Variants in TTC28 observed in about 807,000 individuals in gnomAD.
TTC28 encodes tetratricopeptide repeat domain 28, also known as tetratricopeptide repeat protein 28.
TTC28 carries 61 observed loss-of-function variants against 198.0 expected under a neutral mutation model. That is an observed-to-expected ratio of 0.31 (90% confidence interval 0.25 to 0.38). The LOEUF (loss-of-function observed/expected upper bound fraction) is 0.38. Ranked by LOEUF, TTC28 falls within the 10% of genes least tolerant of loss-of-function variation. The probability of loss-of-function intolerance (pLI) is 1.00; values close to 1 mark genes in which losing one functional copy is unlikely to be tolerated. For synonymous variants in TTC28, 1,171 were observed against 1,297.8 expected, an observed-to-expected ratio of 0.90 and a Z score of 2.10; for missense variants, 2,678 against 3,164.0, an observed-to-expected ratio of 0.85 and a Z score of 3.69.
chr22:28,107,124 C>A lies in TTC28; in HGVS notation c.2721G>T (p.Ala907=), dbSNP rs368294452. The part of the protein sequence containing the change: ...IKYYEQYLSV[A]QSLNRMQDQA... ...GGTCTTGCATGCGATTCAGACTCTG[C>A]GCGACAGATAAATATTGTTCATAGT... is the stretch of plus-strand genomic sequence containing the variant. The change falls in exon 7 of 23, where the codon GCG becomes GCT. Residue 907 remains alanine (A), a synonymous_variant. Coordinates refer to ENST00000397906, the MANE Select transcript of TTC28 (RefSeq NM_001145418.2). 1.9e-6 allele frequency: 3 copies of A among 1,551,558 alleles called. No individual in the cohort carries two copies. The highest frequency in any genetic ancestry group is 2.0e-5 in the Admixed American group (1 of 50,980).
At chr22:28,546,469 T>C (rs112235772) in intron 2 of TTC28, among the ~76,000 whole-genome samples, 5 of 152,106 alleles carry the variant, frequency 3.3e-5, no homozygotes, top group African/African-American at 1.2e-4. Context: ...CAAACAAAAT[T>C]GAAGACTGTC....
At chr22:28,333,844 T>G (rs147725332) in intron 2 of TTC28, among the ~76,000 whole-genome samples, 19 of 152,144 alleles carry the variant, frequency 1.2e-4, no homozygotes, top group African/African-American at 4.6e-4. Context: ...TCACTGTATT[T>G]TCTTTATTTT....
intron 2 of TTC28, among the ~76,000 whole-genome samples, chr22:28,606,557 G>A (rs1361980241): frequency 6.6e-6 from 1 of 152,096 alleles, no homozygotes; most frequent in African/African-American, 2.4e-5. Flanking sequence ...CTGGAATGGG[G>A]AATGGGGTGA....
intron 2 of TTC28, among the ~76,000 whole-genome samples, chr22:28,417,906 A>C (rs938012723): frequency 6.6e-6 from 1 of 152,224 alleles, no homozygotes; most frequent in Non-Finnish European, 1.5e-5. Context: ...CTTGCTCTGA[A>C]CAGTACACTA....
intron 5 of TTC28, among the ~76,000 whole-genome samples, chr22:28,280,083 T>C (rs1031670032): frequency 6.6e-6 from 1 of 152,184 alleles, no homozygotes; most frequent in Non-Finnish European, 1.5e-5. Flanking sequence ...ACACATGTTT[T>C]CAATTCTCTG....
chr22:28,527,687 G>A (rs1183189109), intron 2 of TTC28, among the ~76,000 whole-genome samples: 1 of 152,044 alleles, frequency 6.6e-6, no homozygotes, highest in Non-Finnish European at 1.5e-5. Flanking sequence ...CCAGGCTGGA[G>A]TGCAGTGGCA....
intron 2 of TTC28, among the ~76,000 whole-genome samples, chr22:28,309,847 C>T (rs1569252281): frequency 6.6e-6 from 1 of 152,024 alleles, no homozygotes; most frequent in Non-Finnish European, 1.5e-5. Flanking sequence ...AACACCTATA[C>T]CCTAAGTACA....
chr22:28,492,026 C>T (rs546703557), intron 2 of TTC28, among the ~76,000 whole-genome samples: 56 of 151,716 alleles, frequency 3.7e-4, no homozygotes, highest in South Asian at 1.7e-3. Flanking sequence ...AAACAAACAC[C>T]GCATGTTTTC....
intron 2 of TTC28, among the ~76,000 whole-genome samples, chr22:28,537,817 C>T (rs2049328972): frequency 6.6e-6 from 1 of 152,066 alleles, no homozygotes; most frequent in South Asian, 2.1e-4. Context: ...TAGGGTAGTT[C>T]TCTATAAATA....
At chr22:28,243,011 C>T (rs972429369) in intron 5 of TTC28, among the ~76,000 whole-genome samples, 1 of 146,976 alleles carries the variant, frequency 6.8e-6, no homozygotes, top group African/African-American at 2.5e-5. Context: ...CTGACAGAGT[C>T]ATTTTAATCT....
At chr22:28,366,382 TCTTA>T (rs1236400732) in intron 2 of TTC28, among the ~76,000 whole-genome samples, 1 of 152,178 alleles carries the variant, frequency 6.6e-6, no homozygotes, top group Non-Finnish European at 1.5e-5. Flanking sequence ...TTAACATTTT[TCTTA>T]CTTAGTGAGT....
At chr22:28,127,021 A>G (rs1942932731) in intron 6 of TTC28, among the ~76,000 whole-genome samples, 1 of 152,148 alleles carries the variant, frequency 6.6e-6, no homozygotes. Context: ...CCACTGTGCT[A>G]GGCTCCAAAT....
chr22:28,184,557 T>A (rs1924012071), intron 5 of TTC28, among the ~76,000 whole-genome samples: 1 of 152,084 alleles, frequency 6.6e-6, no homozygotes, highest in Admixed American at 6.5e-5. Flanking sequence ...ATTAAGATCC[T>A]AAGTTACATT....
intron 2 of TTC28, among the ~76,000 whole-genome samples, chr22:28,506,798 C>T (rs2048619776): frequency 6.6e-6 from 1 of 152,202 alleles, no homozygotes; most frequent in Non-Finnish European, 1.5e-5. Context: ...GGAGCAGACC[C>T]CCAGCAAACT....
At chr22:28,315,777 G>A (rs760513292) in intron 2 of TTC28, among the ~76,000 whole-genome samples, 3 of 151,848 alleles carry the variant, frequency 2.0e-5, no homozygotes, top group Admixed American at 6.6e-5. Flanking sequence ...TTACAGTCTC[G>A]TCAATGCACC....
intron 2 of TTC28, among the ~76,000 whole-genome samples, chr22:28,472,190 C>T (rs764167191): frequency 1.1e-4 from 17 of 152,248 alleles, no homozygotes; most frequent in African/African-American, 1.9e-4. Flanking sequence ...CTATCTATCA[C>T]GTTTCAATTC....
chr22:28,338,953 A>T (rs1427561366), intron 2 of TTC28, among the ~76,000 whole-genome samples: 1 of 152,034 alleles, frequency 6.6e-6, no homozygotes, highest in East Asian at 1.9e-4. Context: ...AGGCGCTCTG[A>T]TTTTTAGAGT....
At chr22:28,018,271 G>GTT (rs1555903309) in intron 13 of TTC28, among the ~76,000 whole-genome samples, 1 of 138,016 alleles carries the variant, frequency 7.2e-6, no homozygotes, top group African/African-American at 2.7e-5. Flanking sequence ...GTGTGTGTGT[G>GTT]TGTGTGTATG....
At position 28,105,484 on chromosome 22, in the gene TTC28, C is replaced by T. The variant is rs941257618; in HGVS notation, c.3102G>A (p.Thr1034=). 9.0e-6 allele frequency: 14 copies of T among 1,551,506 alleles called. No individual in the cohort carries two copies. The highest frequency in any genetic ancestry group is 1.4e-5 in the African/African-American group (1 of 72,996). The change falls in exon 8 of 23, where the codon ACG becomes ACA. Residue 1034 remains threonine, a synonymous_variant. Transcript: ENST00000397906. The part of the protein sequence containing the change: ...LQIAEETNNP[T]CQGRAYGNLG... ...GGTTCCCATAGGCTCGGCCCTGGCA[C>T]GTGGGGTTGTTGGTTTCCTCTGCTA...
Sources: allele counts gnomAD v4.1 joint callset (sites outside exome capture counted in the v4.1 genomes callset), GRCh38; gene constraint gnomAD v4.1.1; transcripts MANE v1.5; gene names NCBI Gene and HGNC (gene_info 2026-07-23, HGNC 2026-07-21).